The following PP2D1 variants were observed in gnomAD, a reference collection of about 807,000 sequenced individuals.
The protein encoded by PP2D1 is protein phosphatase 2C like domain containing 1, also known as protein phosphatase 2C-like domain-containing protein 1.
In PP2D1, 25 loss-of-function variants were observed where a neutral mutation model predicts 30.2. The ratio of observed to expected loss-of-function variants is 0.83; its 90% confidence interval spans 0.60 to 1.16. The LOEUF (loss-of-function observed/expected upper bound fraction) is 1.16. PP2D1 is among the 50% of genes most tolerant of loss of function. PP2D1 has a pLI of 0.00. For synonymous variants in PP2D1, 260 were observed against 258.9 expected, an observed-to-expected ratio of 1.00 and a Z score of -0.04; for missense variants, 760 against 742.4, an observed-to-expected ratio of 1.02 and a Z score of -0.28.
At chr3:19,991,523 A>C (rs1022673267) in intron 2 of PP2D1, among the ~76,000 whole-genome samples, 9 of 152,206 alleles carry the variant, frequency 5.9e-5, no homozygotes, top group Non-Finnish European at 1.3e-4. Context: ...GGAAAAATAA[A>C]AACACACCTA....
At chr3:20,004,293 T>C (rs1452151241) in intron 1 of PP2D1, among the ~76,000 whole-genome samples, 1 of 152,220 alleles carries the variant, frequency 6.6e-6, no homozygotes, top group African/African-American at 2.4e-5. Context: ...CTATAGCATA[T>C]AGCCCAGGTG....
intron 2 of PP2D1, among the ~76,000 whole-genome samples, chr3:19,987,698 C>A (rs1041142510): frequency 6.6e-6 from 1 of 152,084 alleles, no homozygotes; most frequent in Non-Finnish European, 1.5e-5. Context: ...TCACTTGAAG[C>A]CAGAAGTTTG....
chr3:19,984,971 A>G (rs1697005010), downstream of PP2D1: 1 of 157,140 alleles, frequency 6.4e-6, no homozygotes, highest in Non-Finnish European at 1.4e-5. Flanking sequence ...TTTTATTTTG[A>G]TCAGTTCAGT....
chr3:19,985,613 G>T lies in PP2D1; in HGVS notation c.1660C>A (p.Pro554Thr), dbSNP rs1187379367. Residue 554 changes from proline to threonine, a missense_variant, in exon 3 of 3, where the codon CCA (proline) becomes ACA (threonine). Around this residue, in one of 3 missense-constraint regions of PP2D1, gnomAD observed 369 missense variants for 316.2 expected, o/e 1.17. Transcript: ENST00000389050. ...IYNPENVETF[P>T]AETTHRKPCS... The stretch of plus-strand genomic sequence containing the variant: ...GGTTTACGATGAGTCGTTTCTGCTG[G>T]AAATGTTTCTACATTCTCAGGGTTA... 2.0e-6 allele frequency: 3 copies of T among 1,535,656 alleles called. No individual in the cohort carries two copies. The highest frequency in any genetic ancestry group is 2.6e-6 in the Non-Finnish European group (3 of 1,146,628).
At position 19,985,685 on chromosome 3, in the gene PP2D1, A is replaced by G. The variant is rs557220887; in HGVS notation, c.1588T>C (p.Ser530Pro). 4 of 1,535,926 alleles carry G rather than the reference A, an allele frequency of 2.6e-6. No homozygotes were observed. Among genetic ancestry groups the G allele is most frequent in the East Asian group, 4.9e-5 (2 of 40,900 alleles). ...TTTGAATCGGATAAATTTTCTTTGG[A>G]ATTTGTAGTTGACACACGTACTTCA... ...VSEVRVSTTN[S>P]KENLSDSNYS... Residue 530 changes from serine to proline, a missense_variant, in exon 3 of 3, where the codon TCC becomes CCC. Ser to Pro is a moderately conservative substitution (Grantham distance 74, BLOSUM62 -1). Around this residue, in one of 3 missense-constraint regions of PP2D1, gnomAD observed 369 missense variants for 316.2 expected, o/e 1.17. Transcript: ENST00000389050.
At chr3:19,993,269 A>G (rs1697139413) in intron 2 of PP2D1, among the ~76,000 whole-genome samples, 1 of 152,198 alleles carries the variant, frequency 6.6e-6, no homozygotes, top group Non-Finnish European at 1.5e-5. Flanking sequence ...AAGGAGCAGT[A>G]ATGGGGCAGT....
intron 1 of PP2D1, among the ~76,000 whole-genome samples, chr3:20,002,365 C>T (rs536523327): frequency 2.0e-5 from 3 of 152,266 alleles, no homozygotes; most frequent in African/African-American, 7.2e-5. Flanking sequence ...CAGTATTTTA[C>T]CTTAGACATG....
At chr3:20,008,589 C>T (rs1426641376) in intron 1 of PP2D1, among the ~76,000 whole-genome samples, 1 of 151,808 alleles carries the variant, frequency 6.6e-6, no homozygotes, top group Non-Finnish European at 1.5e-5. Context: ...GACAACCAAA[C>T]AAAAAAACTG....
intron 2 of PP2D1, among the ~76,000 whole-genome samples, chr3:19,997,846 CA>C (rs1480864253): frequency 6.6e-6 from 1 of 151,842 alleles, no homozygotes; most frequent in African/African-American, 2.4e-5. Context: ...TGATGGTTAC[CA>C]AAGATTGGGA....
chr3:19,989,209 G>A (rs1447530990), intron 2 of PP2D1, among the ~76,000 whole-genome samples: 6 of 152,160 alleles, frequency 3.9e-5, no homozygotes, highest in Non-Finnish European at 8.8e-5. Context: ...GTGCACACCT[G>A]TAATCCCAGC....
intron 1 of PP2D1, among the ~76,000 whole-genome samples, chr3:20,005,409 C>A (rs1288933684): frequency 6.6e-6 from 1 of 152,152 alleles, no homozygotes; most frequent in Non-Finnish European, 1.5e-5. Context: ...GCCTCAGCCT[C>A]CCAAAGTGCT....
Position 20,001,269 on chromosome 3 carries a change from TTG to T in PP2D1, c.849_850del (p.His283GlnfsTer12). ...TCTCCAAAATGCTTTTGCAAAGGCT[TTG>T]TGTGTGTCCTCATACTCACACCTCA... On this transcript the variant is annotated frameshift_variant, in exon 2 of 3. Transcript: ENST00000389050. LOFTEE classifies it high-confidence loss of function. 1 of 1,536,188 alleles carries T rather than the reference TTG, an allele frequency of 6.5e-7. No individual in the cohort carries two copies. Among genetic ancestry groups the T allele is most frequent in the African/African-American group, 1.4e-5 (1 of 73,190 alleles).
chr3:19,999,260 A>G (rs1028364188), intron 2 of PP2D1, among the ~76,000 whole-genome samples: 9 of 150,840 alleles, frequency 6.0e-5, no homozygotes, highest in Admixed American at 4.0e-4. Flanking sequence ...TTGTATTTTT[A>G]GGAAAGACAG....
Position 20,001,018 on chromosome 3 carries a change from C to A in PP2D1, c.1090+12G>T. 1.5e-6 allele frequency: 2 copies of A among 1,330,578 alleles called. No homozygotes were observed. The highest frequency in any genetic ancestry group is 4.7e-5 in the South Asian group (2 of 42,332). The allele number at this position is 1,330,578 out of a possible 1,614,324, so 82.4% of individuals were successfully genotyped here. A position where few individuals can be genotyped will look rare whatever the true frequency, so the allele number is the denominator to read the frequency against. Reference sequence around the variant, plus strand: ...CATAAAGGTGTTATTTGGTGCTATTCAATGTACATACCAGTGTTTGCAACA... The same window carrying A: ...CATAAAGGTGTTATTTGGTGCTATTAAATGTACATACCAGTGTTTGCAACA... On this transcript the variant is annotated intron_variant, in intron 2 of 2. Coordinates refer to ENST00000389050, the MANE Select transcript of PP2D1 (RefSeq NM_001252657.2).
chr3:20,007,804 AG>A (rs1052072111), intron 1 of PP2D1: 3 of 152,760 alleles, frequency 2.0e-5, no homozygotes, highest in African/African-American at 7.3e-5. Flanking sequence ...AGAGAATAAA[AG>A]AAATAGGAAA....
Position 19,986,124 on chromosome 3 carries a change from A to G in PP2D1, c.1149T>C (p.His383=), listed in dbSNP as rs1697030454. Residue 383 remains histidine, a synonymous_variant, in exon 3 of 3, where the codon CAT becomes CAC. Coordinates refer to ENST00000389050, the MANE Select transcript of PP2D1 (RefSeq NM_001252657.2). ...TTCTTTCATTTGTGTTTCGTGTAGT[A>G]TGTTCTTTGGTTAGGCAAAAACCTT... The part of the protein sequence containing the change: ...NGKGFCLTKE[H]TTRNTNERRR... The G allele has an allele frequency of 1.3e-6, 2 of 1,534,788 alleles. No homozygotes were observed. Among genetic ancestry groups the G allele is most frequent in the Non-Finnish European group, 1.7e-6 (2 of 1,146,524 alleles).
intron 2 of PP2D1, chr3:19,997,059 A>T (rs1697189380): frequency 6.6e-6 from 1 of 152,174 alleles, no homozygotes. Flanking sequence ...CATAGAAGAA[A>T]CATATCTCAA....
At chr3:19,996,682 C>T (rs1289999936) in intron 2 of PP2D1, 2 of 151,754 alleles carry the variant, frequency 1.3e-5, no homozygotes, top group East Asian at 3.9e-4. Flanking sequence ...TGAAAATCCT[C>T]AACAAAATAC....
chr3:20,011,966 TAAGAAAGTGG>T, intron 1 of PP2D1, 74 bp downstream of exon 1: 1 of 1,080,232 alleles, frequency 9.3e-7, no homozygotes, highest in Non-Finnish European at 1.3e-6. Flanking sequence ...ATCTGATAAT[TAAGAAAGTGG>T]AAGAAAAAAA....
Sources: allele counts gnomAD v4.1 joint callset (sites outside exome capture counted in the v4.1 genomes callset), GRCh38; gene constraint gnomAD v4.1.1; regional missense constraint gnomAD v4.1.1; transcripts MANE v1.5; gene names NCBI Gene and HGNC (gene_info 2026-07-23, HGNC 2026-07-21).